Variants in CCDC171 observed in about 807,000 individuals in gnomAD.
CCDC171 encodes the protein coiled-coil domain containing 171.
CCDC171 carries 177 observed loss-of-function variants against 168.2 expected under a neutral mutation model. That is an observed-to-expected ratio of 1.05 (90% confidence interval 0.93 to 1.19). The LOEUF (loss-of-function observed/expected upper bound fraction) is 1.19, where lower values mean the gene tolerates loss of function less well. CCDC171 is among the 50% of genes most tolerant of loss of function. CCDC171 has a pLI of 0.00. For missense variants in CCDC171, 1,991 were observed against 1,539.0 expected (o/e 1.29, Z -4.91); for synonymous variants, 687 against 540.8 (o/e 1.27, Z -3.75).
rs917508586 is a variant in CCDC171, at chr9:15,622,803, G to A, written c.676-464G>A. ...AATGAAACACAGCCATCTAGTGGATGCAATTTTAAAAGCTGTAAGCATGTA... is the reference window on the plus strand; with the variant it reads ...AATGAAACACAGCCATCTAGTGGATACAATTTTAAAAGCTGTAAGCATGTA... On this transcript the variant is annotated intron_variant, in intron 6 of 25. Transcript: ENST00000380701. 7.9e-5 allele frequency among the ~76,000 whole-genome samples: 12 copies of A among 152,272 alleles called. No homozygotes were observed. The East Asian group carries it at 2.3e-3, about 29-fold the overall frequency.
intron 23 of CCDC171, among the ~76,000 whole-genome samples, chr9:15,858,245 C>G (rs1413987925): frequency 6.6e-6 from 1 of 151,956 alleles, no homozygotes; most frequent in Admixed American, 6.6e-5. Flanking sequence ...GTCTCAAACT[C>G]CTGAGCACAG....
At chr9:16,063,775 C>T (rs186359677), downstream of CCDC171, among the ~76,000 whole-genome samples, 8 of 152,262 alleles carry the variant, frequency 5.3e-5, no homozygotes, top group Admixed American at 6.5e-5. Flanking sequence ...TCCTCAAAAC[C>T]GTCAAATGCA....
At chr9:15,617,570 G>C (rs981166363) in intron 6 of CCDC171, among the ~76,000 whole-genome samples, 6 of 151,910 alleles carry the variant, frequency 3.9e-5, no homozygotes, top group Non-Finnish European at 8.8e-5. Context: ...TAGAGACGGG[G>C]TTTCACCATG....
intron 21 of CCDC171, among the ~76,000 whole-genome samples, chr9:15,809,152 A>G (rs2059214252): frequency 6.6e-6 from 1 of 152,208 alleles, no homozygotes; most frequent in South Asian, 2.1e-4. Context: ...AACATAAAAC[A>G]TTCAAATCAT....
Position 15,979,829 on chromosome 9 carries a change from A to AT in CCDC171, n.369-40753dup, listed in dbSNP as rs568589617. On this transcript the variant is annotated intron_variant and non_coding_transcript_variant, in intron 3 of 9. Transcript: ENST00000486641. ...ATTGGGAAATTATCCCTTCTCTTCT[A>AT]TTTTTTTAAAGAGTTTGGGAAGGGT... Among the ~76,000 whole-genome samples the AT allele has an allele frequency of 1.5e-3, 222 of 151,604 alleles. 1 individual carries two copies. The highest frequency in any genetic ancestry group is 0.01 in the Middle Eastern group (3 of 294).
chr9:15,589,676 A>C (rs897083896), intron 4 of CCDC171, among the ~76,000 whole-genome samples: 2 of 152,218 alleles, frequency 1.3e-5, no homozygotes, highest in Non-Finnish European at 2.9e-5. Flanking sequence ...TGAAAAATAT[A>C]ATTAATAAAG....
rs55976539 is a variant in CCDC171, at chr9:15,642,343, G to GTATA, written c.823-14746_823-14743dup. Among the ~76,000 whole-genome samples the GTATA allele has an allele frequency of 5.6e-3, 596 of 106,952 alleles. 2 individuals are homozygous for GTATA. Among genetic ancestry groups the GTATA allele is most frequent in the Non-Finnish European group, 6.3e-3 (348 of 55,222 alleles). The allele number at this position is 106,952 out of a possible 152,430, so 70.2% of individuals were successfully genotyped here. ...TATATATATATACACGTGTGTGTGT[G>GTATA]TATATATATATATATATATATATAT... is the stretch of plus-strand genomic sequence containing the variant. On this transcript the variant is annotated intron_variant, in intron 7 of 25. Coordinates refer to ENST00000380701, the MANE Select transcript of CCDC171 (RefSeq NM_173550.4).
At chr9:15,575,678 A>C (rs1006113948) in intron 3 of CCDC171, among the ~76,000 whole-genome samples, 2 of 152,162 alleles carry the variant, frequency 1.3e-5, no homozygotes, top group African/African-American at 4.8e-5. Flanking sequence ...GATATTAAGC[A>C]TTTCCTTCAG....
At chr9:15,610,876 G>C (rs1224682479) in intron 6 of CCDC171, among the ~76,000 whole-genome samples, 2 of 152,018 alleles carry the variant, frequency 1.3e-5, no homozygotes, top group Non-Finnish European at 2.9e-5. Context: ...TATTTTCTCT[G>C]AGTGTTTGGC....
intron 1 of CCDC171, among the ~76,000 whole-genome samples, chr9:15,555,505 A>C (rs1257118577): frequency 2.6e-5 from 4 of 152,044 alleles, no homozygotes; most frequent in African/African-American, 7.2e-5. Context: ...AAGAGCAGAA[A>C]TGCTTCCCTG....
At chr9:15,980,738 T>A (rs920124693) in intron 3 of CCDC171, among the ~76,000 whole-genome samples, 7 of 148,618 alleles carry the variant, frequency 4.7e-5, no homozygotes, top group Admixed American at 4.6e-4. Flanking sequence ...GTGTTGCTCA[T>A]TTGGTTTTTT....
At chr9:15,592,553 C>T (rs1443604191) in intron 5 of CCDC171, among the ~76,000 whole-genome samples, 1 of 152,088 alleles carries the variant, frequency 6.6e-6, no homozygotes, top group Non-Finnish European at 1.5e-5. Context: ...TCTTCCACAT[C>T]AGTAGTCATA....
chr9:15,695,266 C>A lies in CCDC171; in HGVS notation c.1247C>A (p.Thr416Lys), dbSNP rs1564227694. 1.9e-6 allele frequency: 3 copies of A among 1,614,012 alleles called. No homozygotes were observed. The highest frequency in any genetic ancestry group is 2.5e-6 in the Non-Finnish European group (3 of 1,179,912). The change falls in exon 11 of 26, where the codon ACA becomes AAA. Residue 416 changes from threonine (T) to lysine (K), a missense_variant. By Grantham distance (78) the Thr-to-Lys change is moderately conservative. Coordinates refer to ENST00000380701, the MANE Select transcript of CCDC171 (RefSeq NM_173550.4). ...AAGCACCAGGCCTTCCTAGTAGAGA[C>A]ATGTGAAAATAACGTGAAAGAATTG... is the stretch of plus-strand genomic sequence containing the variant. ...AKKHQAFLVETCENNVKELES... is the reference protein window; with the variant it reads ...AKKHQAFLVEKCENNVKELES...
chr9:15,561,376 A>T (rs144285103), intron 1 of CCDC171, among the ~76,000 whole-genome samples: 67 of 152,294 alleles, frequency 4.4e-4, no homozygotes, highest in Middle Eastern at 3.4e-3. Flanking sequence ...GAGTTCAACA[A>T]ATATTGAAGA....
chr9:15,771,006 T>G (rs185617549), intron 18 of CCDC171, among the ~76,000 whole-genome samples: 3 of 152,278 alleles, frequency 2.0e-5, no homozygotes, highest in African/African-American at 7.2e-5. Flanking sequence ...ATAATGAATA[T>G]TTTTTAATAT....
chr9:16,026,745 A>G (rs2133034062), intron 6 of CCDC171, among the ~76,000 whole-genome samples: 1 of 152,368 alleles, frequency 6.6e-6, no homozygotes, highest in South Asian at 2.1e-4. Context: ...AGATATAACT[A>G]GGTAAAAAAG....
intron 3 of CCDC171, among the ~76,000 whole-genome samples, chr9:16,001,721 A>C (rs1832550742): frequency 6.6e-6 from 1 of 152,108 alleles, no homozygotes; most frequent in Non-Finnish European, 1.5e-5. Context: ...GTTTGTGGTG[A>C]TGCTGGTGTA....
chr9:15,775,460 A>G (rs2057269939), intron 18 of CCDC171, among the ~76,000 whole-genome samples: 1 of 152,190 alleles, frequency 6.6e-6, no homozygotes, highest in Non-Finnish European at 1.5e-5. Flanking sequence ...CTGGGATTAC[A>G]GGCACGTGCC....
chr9:15,569,502 A>G (rs1371836532), intron 2 of CCDC171, among the ~76,000 whole-genome samples: 1 of 152,204 alleles, frequency 6.6e-6, no homozygotes, highest in Admixed American at 6.5e-5. Flanking sequence ...CTTCTTGGAC[A>G]GTCTTCTAAT....
Sources: gnomAD v4.1 joint callset for allele counts (sites outside exome capture counted in the v4.1 genomes callset) on GRCh38, gnomAD v4.1.1 for gene constraint, MANE v1.5 for transcripts, NCBI Gene and HGNC (gene_info 2026-07-23, HGNC 2026-07-21) for gene names.